The following CPA6 variants were observed in gnomAD, a reference collection of about 807,000 sequenced individuals.
The protein encoded by CPA6 is carboxypeptidase B.
In CPA6, 58 loss-of-function variants were observed where a neutral mutation model predicts 63.3. That is an observed-to-expected ratio of 0.92 (90% CI 0.74 to 1.14). The LOEUF (loss-of-function observed/expected upper bound fraction) is 1.14, where lower values mean the gene tolerates loss of function less well. CPA6 is among the 50% of genes most tolerant of loss of function. CPA6 has a pLI of 0.00. For synonymous variants in CPA6, 185 were observed against 179.0 expected (o/e 1.03, Z -0.27); for missense variants, 565 against 526.6 (o/e 1.07, Z -0.71).
chr8:67,467,399 A>C (rs1180355527), intron 8 of CPA6, among the ~76,000 whole-genome samples: 1 of 152,054 alleles, frequency 6.6e-6, no homozygotes, highest in Non-Finnish European at 1.5e-5. Context: ...AAGCACCTCA[A>C]ATCCACTGCT....
chr8:67,685,973 T>A (rs1451741427), intron 1 of CPA6, among the ~76,000 whole-genome samples: 3 of 152,222 alleles, frequency 2.0e-5, no homozygotes, highest in Admixed American at 2.0e-4. Context: ...TCAATTTCTA[T>A]CTCCTTACCC....
chr8:67,460,933 T>A (rs1304206802), intron 8 of CPA6, among the ~76,000 whole-genome samples: 1 of 152,138 alleles, frequency 6.6e-6, no homozygotes, highest in East Asian at 1.9e-4. Flanking sequence ...TTGATTAGAC[T>A]AGATTAAATA....
chr8:67,736,021 C>G (rs185756041), intron 1 of CPA6, among the ~76,000 whole-genome samples: 3 of 152,200 alleles, frequency 2.0e-5, no homozygotes, highest in African/African-American at 7.2e-5. Flanking sequence ...CAGCTGGCCC[C>G]TCAGTGATGC....
At chr8:67,693,237 C>G (rs1194320463) in intron 1 of CPA6, among the ~76,000 whole-genome samples, 1 of 152,200 alleles carries the variant, frequency 6.6e-6, no homozygotes, top group Non-Finnish European at 1.5e-5. Flanking sequence ...CAAATGCTAG[C>G]CTTCTCAGAG....
At chr8:67,689,798 G>A (rs2128997148) in intron 1 of CPA6, among the ~76,000 whole-genome samples, 1 of 152,248 alleles carries the variant, frequency 6.6e-6, no homozygotes, top group East Asian at 1.9e-4. Flanking sequence ...CCCAGTAATG[G>A]GATTACTGGG....
chr8:67,607,134 TCCCCCTCCTCCC>T (rs1564021127), intron 2 of CPA6, among the ~76,000 whole-genome samples: 1 of 39,368 alleles, frequency 2.5e-5, no homozygotes. Context: ...CTCCTCCTCC[TCCCCCTCCTCCC>T]CCCCCTCCTC....
rs573080955 is a variant in CPA6, at chr8:67,661,862, CTT to C, written c.117-37613_117-37612del. ...CCTCATGTAAGTGGAATCATATAATCTTTGTCTTTCTGCGTCTAGTTTACTTC... is the reference window on the plus strand; with the variant it reads ...CCTCATGTAAGTGGAATCATATAATCTGTCTTTCTGCGTCTAGTTTACTTC... On this transcript the variant is annotated intron_variant, in intron 1 of 10. Transcript: ENST00000297770. Among the ~76,000 whole-genome samples, 91 of 152,308 alleles carry C rather than the reference CTT, an allele frequency of 6.0e-4. 2 individuals carry two copies. In the South Asian group the frequency reaches 0.01, roughly 17 times the overall value.
chr8:67,594,211 C>T (rs958234098), intron 2 of CPA6, among the ~76,000 whole-genome samples: 4 of 152,088 alleles, frequency 2.6e-5, no homozygotes, highest in African/African-American at 9.7e-5. Context: ...GAAGATTGGC[C>T]CCCACTCTCT....
intron 2 of CPA6, among the ~76,000 whole-genome samples, chr8:67,597,558 G>A (rs1310987181): frequency 2.6e-5 from 4 of 151,992 alleles, no homozygotes; most frequent in Admixed American, 2.0e-4. Flanking sequence ...TTCTCTCTGG[G>A]TATTTTCTTC....
At chr8:67,688,195 A>G (rs755463794) in intron 1 of CPA6, among the ~76,000 whole-genome samples, 2 of 152,168 alleles carry the variant, frequency 1.3e-5, no homozygotes, top group Non-Finnish European at 2.9e-5. Flanking sequence ...ACCAAAAAAC[A>G]AAAAATCATC....
intron 1 of CPA6, among the ~76,000 whole-genome samples, chr8:67,739,880 G>C (rs907789653): frequency 6.6e-6 from 1 of 152,210 alleles, no homozygotes; most frequent in Non-Finnish European, 1.5e-5. Flanking sequence ...TGGCAGATCA[G>C]TTAGGAGAGA....
intron 6 of CPA6, 101 bp from the exon 7 acceptor site, chr8:67,484,890 G>A: frequency 3.5e-6 from 2 of 569,102 alleles, no homozygotes; most frequent in South Asian, 2.7e-5. Flanking sequence ...CAAATACGGT[G>A]GTTTAAAAAG....
chr8:67,710,571 T>A (rs1055874928), intron 1 of CPA6, among the ~76,000 whole-genome samples: 1 of 151,806 alleles, frequency 6.6e-6, no homozygotes, highest in African/African-American at 2.4e-5. Flanking sequence ...CCAAAAAGAG[T>A]CTGTTTTGTC....
chr8:67,540,178 G>T (rs1357314723), intron 2 of CPA6, among the ~76,000 whole-genome samples: 1 of 147,050 alleles, frequency 6.8e-6, no homozygotes, highest in African/African-American at 2.5e-5. Flanking sequence ...CCTTTGGATG[G>T]TTTTTTTTTT....
chr8:67,734,834 T>C (rs1239312142), intron 1 of CPA6, among the ~76,000 whole-genome samples: 2 of 152,126 alleles, frequency 1.3e-5, no homozygotes, highest in African/African-American at 4.8e-5. Context: ...AGTCACAAAA[T>C]CAGAAAAAGG....
intron 1 of CPA6, among the ~76,000 whole-genome samples, chr8:67,670,369 C>A (rs1190068212): frequency 6.6e-6 from 1 of 152,214 alleles, no homozygotes; most frequent in Admixed American, 6.5e-5. Flanking sequence ...ATCTCGTGAG[C>A]ACTTACTATC....
intron 1 of CPA6, among the ~76,000 whole-genome samples, chr8:67,688,034 T>C (rs976961282): frequency 6.6e-6 from 1 of 152,126 alleles, no homozygotes; most frequent in Non-Finnish European, 1.5e-5. Context: ...AAGCCCAGCA[T>C]GGTGATACAT....
intron 2 of CPA6, among the ~76,000 whole-genome samples, chr8:67,551,347 T>A (rs1283259660): frequency 6.6e-6 from 1 of 152,224 alleles, no homozygotes; most frequent in African/African-American, 2.4e-5. Context: ...TGCTGCTTTA[T>A]TTCTTGGCTC....
Position 67,746,006 on chromosome 8 carries a change from C to T in CPA6, c.116+8G>A. The T allele has an allele frequency of 2.5e-6, 4 of 1,605,648 alleles. No individual in the cohort carries two copies. Among genetic ancestry groups the T allele is most frequent in the Non-Finnish European group, 3.4e-6 (4 of 1,173,142 alleles). The stretch of plus-strand genomic sequence containing the variant: ...AGCTGTGTAGGGCATGAATGTCGCT[C>T]CACTTACCCAGCATAGCGGTTGTTA... On this transcript the variant is annotated splice_region_variant and intron_variant, in intron 1 of 10. Transcript: ENST00000297770.
Sources: allele counts gnomAD v4.1 joint callset (sites outside exome capture counted in the v4.1 genomes callset), GRCh38; gene constraint gnomAD v4.1.1; transcripts MANE v1.5; gene names NCBI Gene and HGNC (gene_info 2026-07-23, HGNC 2026-07-21).